CFDP1: variants seen among roughly 807,000 people sequenced by gnomAD.
The protein encoded by CFDP1 is heterochromatin-stabilizing protein CFDP1.
CFDP1 carries 31 observed loss-of-function variants against 40.1 expected under a neutral mutation model. That is an observed-to-expected ratio of 0.77 (90% CI 0.58 to 1.04). The LOEUF is 1.04. Among genes scored for constraint, CFDP1 ranks in the 50% least tolerant of loss-of-function variants. CFDP1 has a pLI of 0.00. For missense variants in CFDP1, 423 were observed against 343.4 expected (o/e 1.23, Z -1.83); for synonymous variants, 167 against 120.0 (o/e 1.39, Z -2.56).
At chr16:75,344,111 A>C (rs1398410482) in intron 5 of CFDP1, among the ~76,000 whole-genome samples, 1 of 152,202 alleles carries the variant, frequency 6.6e-6, no homozygotes, top group African/African-American at 2.4e-5. Context: ...CTTAAAACCC[A>C]ACCGATGAAT....
At chr16:75,420,726 A>G (rs748620657) in intron 1 of CFDP1, among the ~76,000 whole-genome samples, 1 of 152,232 alleles carries the variant, frequency 6.6e-6, no homozygotes, top group Non-Finnish European at 1.5e-5. Flanking sequence ...AAGCGATGTG[A>G]GTAAATACAA....
rs771679838 is a variant in CFDP1, at chr16:75,412,698, G to A, written c.239C>T (p.Ser80Leu). Residue 80 changes from serine to leucine, a missense_variant, in exon 3 of 7, where the codon TCA becomes TTA. Transcript: ENST00000283882. ...LEEEEEEDAN[S>L]ESEGSSSEEE... ...CTCACTACTGCTTCCCTCAGATTCT[G>A]AATTGGCATCCTCCTCTTCCTCTTC... 1.9e-6 allele frequency: 3 copies of A among 1,614,000 alleles called. No individual in the cohort carries two copies. Among genetic ancestry groups the A allele is most frequent in the South Asian group, 2.2e-5 (2 of 91,074 alleles).
chr16:75,316,029 C>T (rs1356589995), intron 5 of CFDP1, among the ~76,000 whole-genome samples: 5 of 152,008 alleles, frequency 3.3e-5, no homozygotes, highest in Admixed American at 3.3e-4. Flanking sequence ...TTTAAGAGTC[C>T]AGTCTGGTTG....
At position 75,293,833 on chromosome 16, in the gene CFDP1, GAA is replaced by G; in HGVS notation, c.*117_*118del. ...GATACATAGACAGAACTTCAATGTAGAAAAAAAAAAGACCTTGCTGGGAAACA... is the reference window on the plus strand; with the variant it reads ...GATACATAGACAGAACTTCAATGTAGAAAAAAAAGACCTTGCTGGGAAACA... On this transcript the variant is annotated 3_prime_UTR_variant, in exon 7 of 7. Coordinates refer to ENST00000283882, the MANE Select transcript of CFDP1 (RefSeq NM_006324.3). 3.0e-6 allele frequency: 2 copies of G among 659,216 alleles called. No homozygotes were observed. The highest frequency in any genetic ancestry group is 4.9e-6 in the Non-Finnish European group (2 of 406,966). The allele number at this position is 659,216 out of a possible 1,614,324, so 40.8% of individuals were successfully genotyped here.
Position 75,433,449 on chromosome 16 carries a change from G to C in CFDP1, c.-97C>G, listed in dbSNP as rs566950171. The C allele has an allele frequency of 4.0e-5, 51 of 1,261,278 alleles. No homozygotes were observed. The African/African-American group carries it at 6.7e-4, about 17-fold the overall frequency. 78.1% of individuals were successfully genotyped at this position (1,261,278 alleles called of 1,614,324 possible). On this transcript the variant is annotated 5_prime_UTR_variant, in exon 1 of 7. Coordinates refer to ENST00000283882, the MANE Select transcript of CFDP1 (RefSeq NM_006324.3). ...GAGACCATAGAGCCCCGGCGGCGGC[G>C]ACGGCAGCTAGGGCGGCCCCCGACA...
intron 5 of CFDP1, among the ~76,000 whole-genome samples, chr16:75,332,339 C>T (rs777102126): frequency 6.6e-6 from 1 of 152,078 alleles, no homozygotes; most frequent in Non-Finnish European, 1.5e-5. Context: ...GTGGCACGCA[C>T]CTATAATCCC....
chr16:75,333,610 T>C (rs541303327), intron 5 of CFDP1, among the ~76,000 whole-genome samples: 12 of 152,360 alleles, frequency 7.9e-5, no homozygotes, highest in African/African-American at 2.9e-4. Context: ...ATTATACTTA[T>C]TGCAGGCTAA....
At chr16:75,355,952 A>G (rs2078641946) in intron 5 of CFDP1, among the ~76,000 whole-genome samples, 1 of 152,218 alleles carries the variant, frequency 6.6e-6, no homozygotes, top group Non-Finnish European at 1.5e-5. Flanking sequence ...TTCTCATAGT[A>G]GCTCTCTTGA....
chr16:75,327,817 G>C (rs2078413751), intron 5 of CFDP1, among the ~76,000 whole-genome samples: 1 of 152,052 alleles, frequency 6.6e-6, no homozygotes, highest in African/African-American at 2.4e-5. Flanking sequence ...TCTACTTTTA[G>C]GGTTCAAGCG....
At chr16:75,373,179 A>C (rs1298064410) in intron 5 of CFDP1, among the ~76,000 whole-genome samples, 1 of 152,234 alleles carries the variant, frequency 6.6e-6, no homozygotes, top group African/African-American at 2.4e-5. Flanking sequence ...TACATGTGCT[A>C]AGTGAAAAGA....
intron 5 of CFDP1, among the ~76,000 whole-genome samples, chr16:75,318,482 T>C (rs1044695341): frequency 6.6e-6 from 1 of 150,706 alleles, no homozygotes; most frequent in Non-Finnish European, 1.5e-5. Flanking sequence ...CTCGGCTCAC[T>C]GCAACCTCCG....
intron 5 of CFDP1, among the ~76,000 whole-genome samples, chr16:75,372,832 T>A (rs1176026833): frequency 6.6e-6 from 1 of 152,108 alleles, no homozygotes; most frequent in Non-Finnish European, 1.5e-5. Context: ...CTAATTTAAA[T>A]CCTAAATAAC....
intron 1 of CFDP1, among the ~76,000 whole-genome samples, chr16:75,430,413 C>A (rs775482735): frequency 6.6e-6 from 1 of 151,956 alleles, no homozygotes; most frequent in Non-Finnish European, 1.5e-5. Context: ...TCAGGCAATC[C>A]GCCCACCACA....
intron 4 of CFDP1, among the ~76,000 whole-genome samples, chr16:75,395,993 G>A (rs2078992872): frequency 9.4e-6 from 1 of 106,002 alleles, no homozygotes; most frequent in African/African-American, 2.8e-5. Flanking sequence ...GAGGAATGTT[G>A]TTTAAATGCA....
chr16:75,403,675 C>T (rs574739346), intron 4 of CFDP1, among the ~76,000 whole-genome samples: 2 of 152,298 alleles, frequency 1.3e-5, no homozygotes, highest in Admixed American at 1.3e-4. Context: ...ACCTATATTC[C>T]TAACGGTACA....
intron 5 of CFDP1, among the ~76,000 whole-genome samples, chr16:75,343,469 G>A (rs2078540588): frequency 6.6e-6 from 1 of 152,116 alleles, no homozygotes; most frequent in South Asian, 2.1e-4. Context: ...ACATCATGTA[G>A]ATGAGAAACA....
chr16:75,348,382 C>T (rs906450482), intron 5 of CFDP1, among the ~76,000 whole-genome samples: 3 of 152,176 alleles, frequency 2.0e-5, no homozygotes, highest in African/African-American at 4.8e-5. Context: ...CTTATGGGAA[C>T]TCTGTACTAT....
intron 1 of CFDP1, among the ~76,000 whole-genome samples, chr16:75,417,373 T>C (rs1189073450): frequency 6.6e-6 from 1 of 152,028 alleles, no homozygotes; most frequent in Non-Finnish European, 1.5e-5. Context: ...ATCTAAATAA[T>C]GGAATACCAC....
intron 1 of CFDP1, among the ~76,000 whole-genome samples, chr16:75,432,534 G>T (rs2079434232): frequency 1.3e-5 from 2 of 152,124 alleles, no homozygotes; most frequent in African/African-American, 4.8e-5. Context: ...CTAGACAACA[G>T]CAAGACCCTG....
Sources: allele counts gnomAD v4.1 joint callset (sites outside exome capture counted in the v4.1 genomes callset), GRCh38; gene constraint gnomAD v4.1.1; transcripts MANE v1.5; gene names NCBI Gene and HGNC (gene_info 2026-07-23, HGNC 2026-07-21).